The following CAST variants were observed in gnomAD, a reference collection of about 807,000 sequenced individuals.
CAST encodes the protein calpastatin.
In CAST, 76 loss-of-function variants were observed where a neutral mutation model predicts 119.6. The ratio of observed to expected loss-of-function variants is 0.64; its 90% confidence interval spans 0.53 to 0.77. The LOEUF (loss-of-function observed/expected upper bound fraction) is 0.77. CAST is among the 30% of genes least tolerant of loss of function. The pLI, the probability that CAST is intolerant of heterozygous loss-of-function variation, is 0.00. For missense variants in CAST, 953 were observed against 946.5 expected, an observed-to-expected ratio of 1.01 and a Z score of -0.09; for synonymous variants, 319 against 331.6, an observed-to-expected ratio of 0.96 and a Z score of 0.41.
the CAST span, among the ~76,000 whole-genome samples, chr5:96,148,381 G>A: frequency 2.0e-5 from 3 of 152,174 alleles, no homozygotes; most frequent in Non-Finnish European, 2.9e-5. Flanking sequence ...ATTAGAAAGC[G>A]TCTGAATTAT....
At chr5:96,319,229 AG>A in the CAST span, among the ~76,000 whole-genome samples, 3 of 152,228 alleles carry the variant, frequency 2.0e-5, no homozygotes, top group Admixed American at 6.5e-5. Context: ...CTTCAAGAAC[AG>A]CACCAAGACA....
At chr5:96,570,737 A>C (rs1159636812) in intron 1 of CAST, among the ~76,000 whole-genome samples, 1 of 152,210 alleles carries the variant, frequency 6.6e-6, no homozygotes, top group African/African-American at 2.4e-5. Context: ...GAAAAATATT[A>C]AACTGGTATC....
chr5:96,493,872 T>TA, the CAST span, among the ~76,000 whole-genome samples: 88 of 151,912 alleles, frequency 5.8e-4, 1 homozygote, highest in South Asian at 0.017. Flanking sequence ...TTGTCTCTAC[T>TA]AAAAAAACAA....
chr5:96,303,864 G>A, the CAST span, among the ~76,000 whole-genome samples: 5 of 152,274 alleles, frequency 3.3e-5, no homozygotes, highest in South Asian at 8.3e-4. Flanking sequence ...GGGCATTTGG[G>A]TTGGTTCCAA....
intron 1 of CAST, among the ~76,000 whole-genome samples, chr5:96,594,171 A>G (rs750821908): frequency 6.6e-6 from 1 of 152,258 alleles, no homozygotes; most frequent in African/African-American, 2.4e-5. Context: ...AAAGAAAGCA[A>G]TGATGTTGTA....
chr5:96,293,737 T>G, the CAST span, among the ~76,000 whole-genome samples: 2 of 152,142 alleles, frequency 1.3e-5, no homozygotes, highest in South Asian at 4.1e-4. Flanking sequence ...TAGTGATGCA[T>G]AATATAAGTA....
the CAST span, among the ~76,000 whole-genome samples, chr5:96,401,149 A>C: frequency 2.0e-5 from 3 of 148,382 alleles, no homozygotes; most frequent in Non-Finnish European, 4.5e-5. Context: ...TAAGGCTTTT[A>C]TAATTCTATC....
the CAST span, among the ~76,000 whole-genome samples, chr5:96,438,585 T>C: frequency 1.3e-5 from 2 of 152,158 alleles, no homozygotes; most frequent in African/African-American, 4.8e-5. Context: ...TGTCTGGTGT[T>C]TTCTAATGAT....
At chr5:96,681,765 T>A (rs975524136) in intron 2 of CAST, among the ~76,000 whole-genome samples, 2 of 151,440 alleles carry the variant, frequency 1.3e-5, no homozygotes, top group African/African-American at 2.4e-5. Context: ...ACTACCAGGA[T>A]GTACTTATAT....
At chr5:96,393,183 T>A in the CAST span, 1 of 1,612,312 alleles carries the variant, frequency 6.2e-7, no homozygotes, top group Non-Finnish European at 8.5e-7. Flanking sequence ...TAAGGGATGT[T>A]GAGCTTTGCA....
At chr5:96,101,428 C>A in the CAST span, among the ~76,000 whole-genome samples, 3 of 152,108 alleles carry the variant, frequency 2.0e-5, no homozygotes, top group African/African-American at 4.8e-5. Context: ...TACTGGCTTC[C>A]CATCAGTCAT....
the CAST span, among the ~76,000 whole-genome samples, chr5:96,196,867 T>A: frequency 1.3e-5 from 2 of 151,736 alleles, no homozygotes; most frequent in South Asian, 2.1e-4. Flanking sequence ...CAGCTAAGAG[T>A]GGAGTGAGGA....
chr5:96,256,543 T>C, the CAST span, among the ~76,000 whole-genome samples: 2 of 151,610 alleles, frequency 1.3e-5, no homozygotes, highest in African/African-American at 4.8e-5. Flanking sequence ...TAAAACCTAT[T>C]GCTCCTAGGC....
the CAST span, among the ~76,000 whole-genome samples, chr5:96,458,661 C>T: frequency 6.6e-6 from 1 of 152,176 alleles, no homozygotes; most frequent in Non-Finnish European, 1.5e-5. Context: ...AGTCCAGGGT[C>T]CAGTTTTCTC....
the CAST span, among the ~76,000 whole-genome samples, chr5:95,989,099 A>G: frequency 2.6e-5 from 4 of 152,324 alleles, no homozygotes; most frequent in Admixed American, 6.5e-5. Flanking sequence ...GAAGTGTCAA[A>G]GTCTAAAAAG....
the CAST span, among the ~76,000 whole-genome samples, chr5:96,417,726 T>G: frequency 5.9e-5 from 9 of 152,346 alleles, no homozygotes; most frequent in South Asian, 1.4e-3. Context: ...CCTTTGTTAC[T>G]TAATCTTTGA....
At position 96,672,396 on chromosome 5, in the gene CAST, A is replaced by G. The variant is rs536725922; in HGVS notation, c.76-3143A>G. Among the ~76,000 whole-genome samples, 3 of 152,286 alleles carry G rather than the reference A, an allele frequency of 2.0e-5. No homozygotes were observed. In the East Asian group the frequency reaches 5.8e-4, roughly 29 times the overall value. On this transcript the variant is annotated intron_variant, in intron 1 of 31. Coordinates refer to ENST00000675179, the MANE Select transcript of CAST (RefSeq NM_001750.7). Reference sequence around the variant, plus strand: ...CTTTTCTGTCCGTTGGAAATTTTTCATAATAAAAAGCTGGGCTTAAAATAG... The same window carrying G: ...CTTTTCTGTCCGTTGGAAATTTTTCGTAATAAAAAGCTGGGCTTAAAATAG...
chr5:96,742,804 C>CA, intron 16 of CAST, 48 bp downstream of exon 16: 1 of 1,303,070 alleles, frequency 7.7e-7, no homozygotes, highest in Non-Finnish European at 1.1e-6. Flanking sequence ...CTGCACATTA[C>CA]AAAACCGAAT....
the CAST span, among the ~76,000 whole-genome samples, chr5:96,112,762 T>A: frequency 3.9e-5 from 6 of 152,326 alleles, no homozygotes; most frequent in East Asian, 1.2e-3. Flanking sequence ...TGAGCTGAAA[T>A]GTGCTCAGAA....
Sources: gnomAD v4.1 joint callset for allele counts (sites outside exome capture counted in the v4.1 genomes callset) on GRCh38, gnomAD v4.1.1 for gene constraint, MANE v1.5 for transcripts, NCBI Gene and HGNC (gene_info 2026-07-23, HGNC 2026-07-21) for gene names.